The following PCNX2 variants were observed in gnomAD, a reference collection of about 807,000 sequenced individuals.
PCNX2 encodes the protein pecanex 2.
A neutral mutation model predicts 223.8 loss-of-function variants in PCNX2; 168 were observed. The ratio of observed to expected loss-of-function variants is 0.75; its 90% CI spans 0.66 to 0.85. PCNX2 has a LOEUF of 0.85. Among genes scored for constraint, PCNX2 ranks in the 40% least tolerant of loss-of-function variants. PCNX2 has a pLI of 0.00. For missense variants in PCNX2, 2,507 were observed against 2,675.5 expected, an observed-to-expected ratio of 0.94 and a Z score of 1.39; for synonymous variants, 1,006 against 1,052.6, an observed-to-expected ratio of 0.96 and a Z score of 0.86.
At chr1:233,239,216 T>A (rs1437410055) in intron 8 of PCNX2, among the ~76,000 whole-genome samples, 1 of 152,126 alleles carries the variant, frequency 6.6e-6, no homozygotes, top group Non-Finnish European at 1.5e-5. Context: ...TACGCTTCTG[T>A]GCAAAAAAGT....
intron 5 of PCNX2, among the ~76,000 whole-genome samples, chr1:233,254,694 T>G (rs147331168): frequency 5.3e-5 from 8 of 151,052 alleles, no homozygotes; most frequent in Non-Finnish European, 1.0e-4. Flanking sequence ...TTTTCCTAGA[T>G]ATACGCACTT....
At chr1:233,061,349 A>T (rs1398494747) in intron 23 of PCNX2, among the ~76,000 whole-genome samples, 3 of 152,222 alleles carry the variant, frequency 2.0e-5, no homozygotes, top group Admixed American at 2.0e-4. Context: ...TGCTGCTACT[A>T]ACAATCGTAT....
chr1:233,209,233 A>T (rs917753813), intron 12 of PCNX2, among the ~76,000 whole-genome samples: 3 of 152,176 alleles, frequency 2.0e-5, no homozygotes, highest in East Asian at 1.9e-4. Flanking sequence ...CATTCAGCTT[A>T]AAAAAAGTGT....
At chr1:233,220,950 G>T (rs1657339481) in intron 10 of PCNX2, among the ~76,000 whole-genome samples, 1 of 152,134 alleles carries the variant, frequency 6.6e-6, no homozygotes, top group African/African-American at 2.4e-5. Context: ...CAAAGAAATA[G>T]AAAAATAAAT....
chr1:233,034,219 A>G (rs529981504), intron 25 of PCNX2, among the ~76,000 whole-genome samples: 3 of 152,204 alleles, frequency 2.0e-5, no homozygotes, highest in South Asian at 4.2e-4. Flanking sequence ...CCAAAAACAA[A>G]CAAACAAAGA....
At chr1:233,091,564 T>C (rs2102941231) in intron 22 of PCNX2, among the ~76,000 whole-genome samples, 1 of 152,100 alleles carries the variant, frequency 6.6e-6, no homozygotes, top group African/African-American at 2.4e-5. Context: ...TTCGTAGATT[T>C]AAAATCAGAT....
chr1:233,258,883 C>T lies in PCNX2; in HGVS notation c.979G>A (p.Ala327Thr). 6.2e-7 allele frequency: 1 copy of T among 1,613,958 alleles called. No homozygotes were observed. The change falls in exon 5 of 34, where the codon GCA becomes ACA. Residue 327 changes from alanine to threonine, a missense_variant. Physicochemically the swap from Ala to Thr is moderately conservative, Grantham distance 58. Coordinates refer to ENST00000258229, the MANE Select transcript of PCNX2 (RefSeq NM_014801.4). ...TIVAKPVEEP[A>T]DTSCQVDTSC... ...GTATCTACCTGACAGGATGTGTCTG[C>T]TGGCTCCTCCACAGGCTTGGCCACG...
rs111580514 is a variant in PCNX2 at position 233,007,579 on chromosome 1, C to A, written c.4953-5898G>T. Among the ~76,000 whole-genome samples the A allele has an allele frequency of 2.0e-5, 3 of 152,210 alleles. No homozygotes were observed. The South Asian group carries it at 6.2e-4, about 32-fold the overall frequency. On this transcript the variant is annotated intron_variant, in intron 28 of 33. Coordinates refer to ENST00000258229, the MANE Select transcript of PCNX2 (RefSeq NM_014801.4). Reference sequence around the variant, plus strand: ...TTGAGACGGAGTCTCTCTCTGTTGCCCAGGCTGGAGTGCCGTGGCGTGATC... The same window carrying A: ...TTGAGACGGAGTCTCTCTCTGTTGCACAGGCTGGAGTGCCGTGGCGTGATC...
intron 17 of PCNX2, chr1:233,167,996 A>C (rs1678902296): frequency 8.7e-6 from 2 of 229,778 alleles, no homozygotes; most frequent in African/African-American, 4.7e-5. Flanking sequence ...GAAGGTTAAA[A>C]AAATCTGTGA....
intron 17 of PCNX2, among the ~76,000 whole-genome samples, chr1:233,162,849 T>C (rs943995423): frequency 2.0e-5 from 3 of 152,206 alleles, no homozygotes. Context: ...TTTAAAATCA[T>C]GTGTTATGTT....
At chr1:233,171,452 G>A (rs942117879) in intron 17 of PCNX2, among the ~76,000 whole-genome samples, 7 of 151,982 alleles carry the variant, frequency 4.6e-5, no homozygotes, top group Non-Finnish European at 1.0e-4. Context: ...ATTTTCACTA[G>A]GAGTAAAGTT....
intron 21 of PCNX2, among the ~76,000 whole-genome samples, chr1:233,117,397 C>T (rs2102986350): frequency 6.6e-6 from 1 of 151,744 alleles, no homozygotes; most frequent in East Asian, 1.9e-4. Context: ...TTTGGGAGGC[C>T]GAGGCAGGCA....
rs574101027 is a variant in PCNX2, at chr1:233,157,324, C to A, written c.3517+2959G>T. On this transcript the variant is annotated intron_variant, in intron 19 of 33. Coordinates refer to ENST00000258229, the MANE Select transcript of PCNX2 (RefSeq NM_014801.4). Reference sequence around the variant, plus strand: ...AATCAGTGGGACCCAAGTTATGTTTCTGTCCCTAGGCTTCAGTTTCCATCT... The same window carrying A: ...AATCAGTGGGACCCAAGTTATGTTTATGTCCCTAGGCTTCAGTTTCCATCT... Among the ~76,000 whole-genome samples, 4 of 152,294 alleles carry A rather than the reference C, an allele frequency of 2.6e-5. No individual in the cohort carries two copies. In the South Asian group the frequency reaches 6.2e-4, roughly 24 times the overall value.
At chr1:233,063,264 C>T (rs1360650377) in intron 23 of PCNX2, among the ~76,000 whole-genome samples, 1 of 151,714 alleles carries the variant, frequency 6.6e-6, no homozygotes, top group Non-Finnish European at 1.5e-5. Flanking sequence ...AGAAGAATAG[C>T]CCTGTAATTA....
In PCNX2 at chr1:232,999,376, T is replaced by C; in HGVS notation, c.5332A>G (p.Asn1778Asp). ...CAAAGTCCTCGGACGCATTCTTTGT[T>C]AACCTGCAGGTCAGAGAGGGAACGG... ...SFLSFKVIKV[N>D]KECVRGLWAG... Residue 1778 changes from asparagine to aspartate, a missense_variant, in exon 31 of 34, where the codon AAC becomes GAC. Around this residue, in one of 3 missense-constraint regions of PCNX2, gnomAD observed 1,372 missense variants for 1,509.4 expected, o/e 0.91. Coordinates refer to ENST00000258229, the MANE Select transcript of PCNX2 (RefSeq NM_014801.4). 6.3e-7 allele frequency: 1 copy of C among 1,591,950 alleles called. No homozygotes were observed. Among genetic ancestry groups the C allele is most frequent in the Admixed American group, 1.8e-5 (1 of 56,668 alleles).
intron 32 of PCNX2, among the ~76,000 whole-genome samples, chr1:232,993,815 C>T (rs1025937149): frequency 6.6e-6 from 1 of 152,248 alleles, no homozygotes; most frequent in African/African-American, 2.4e-5. Context: ...CACTCCAACT[C>T]CAATGTGGCT....
At chr1:233,222,529 C>T (rs1478933613) in intron 10 of PCNX2, among the ~76,000 whole-genome samples, 1 of 151,528 alleles carries the variant, frequency 6.6e-6, no homozygotes, top group Non-Finnish European at 1.5e-5. Flanking sequence ...ATGAGTCTAG[C>T]AATGTGAGAA....
chr1:233,287,992 A>T (rs1467036083), intron 1 of PCNX2, among the ~76,000 whole-genome samples: 2 of 152,228 alleles, frequency 1.3e-5, no homozygotes, highest in Non-Finnish European at 2.9e-5. Flanking sequence ...ATAGTAACAT[A>T]ATACAATTGT....
At chr1:233,281,988 T>G (rs1661215314) in intron 1 of PCNX2, among the ~76,000 whole-genome samples, 1 of 152,164 alleles carries the variant, frequency 6.6e-6, no homozygotes, top group Non-Finnish European at 1.5e-5. Context: ...TCTCTCCAGA[T>G]AGTGTGCCCT....
Sources: gnomAD v4.1 joint callset for allele counts (sites outside exome capture counted in the v4.1 genomes callset) on GRCh38, gnomAD v4.1.1 for gene constraint, gnomAD v4.1.1 regional missense constraint, MANE v1.5 for transcripts, NCBI Gene and HGNC (gene_info 2026-07-23, HGNC 2026-07-21) for gene names.